MS4A6E: variants seen among roughly 807,000 people sequenced by gnomAD.
MS4A6E encodes the protein membrane-spanning 4-domains subfamily A member 6E.
MS4A6E carries 8 observed loss-of-function variants against 13.2 expected under a neutral mutation model. The observed-to-expected ratio is 0.60, with a 90% CI of 0.35 to 1.09. MS4A6E has a LOEUF of 1.09. Among genes scored for constraint, MS4A6E ranks in the 50% least tolerant of loss-of-function variants. The pLI is 0.02. For synonymous variants in MS4A6E, 72 were observed against 67.6 expected (o/e 1.06, Z -0.32); for missense variants, 177 against 171.1 (o/e 1.03, Z -0.19).
intron 4 of MS4A6E, among the ~76,000 whole-genome samples, chr11:60,346,636 T>C (rs2085257095): frequency 6.6e-6 from 1 of 152,234 alleles, no homozygotes; most frequent in Non-Finnish European, 1.5e-5. Flanking sequence ...TAGTTCTTTG[T>C]AGGCCCTCTA....
At chr11:60,335,102 T>A (rs919780628) in intron 2 of MS4A6E, 60 bp downstream of exon 2, 1 of 1,596,432 alleles carries the variant, frequency 6.3e-7, no homozygotes, top group Non-Finnish European at 8.5e-7. Flanking sequence ...AGATGATGTA[T>A]GTTTTGGGAC....
intron 1 of MS4A6E, among the ~76,000 whole-genome samples, chr11:60,334,482 C>T (rs1054730716): frequency 6.6e-6 from 1 of 152,110 alleles, no homozygotes. Context: ...ATCTAAGATG[C>T]ATGCTAATAG....
At chr11:60,333,685 T>C (rs2085170878) in intron 1 of MS4A6E, among the ~76,000 whole-genome samples, 1 of 152,118 alleles carries the variant, frequency 6.6e-6, no homozygotes, top group South Asian at 2.1e-4. Context: ...TCCAAAGAGT[T>C]AAGGCCTTCT....
At position 60,337,962 on chromosome 11, in the gene MS4A6E, G is replaced by T. The variant is rs778022924; in HGVS notation, c.354+15G>T. ...CCAGTCTGGCTGTAAGTATTTTTTA[G>T]ATGGGATGTTCTAATTTTATGAGGT... On this transcript the variant is annotated intron_variant, in intron 3 of 4. Coordinates refer to ENST00000684409, the MANE Select transcript of MS4A6E (RefSeq NM_139249.4). 5.6e-6 allele frequency: 9 copies of T among 1,607,000 alleles called. No individual in the cohort carries two copies. In the South Asian group the frequency reaches 9.9e-5, roughly 18 times the overall value.
At position 60,339,750 on chromosome 11, in the gene MS4A6E, C is replaced by G. The variant is rs1425422637; in HGVS notation, c.355-116C>G. The G allele has an allele frequency of 7.0e-6, 6 of 860,944 alleles. No homozygotes were observed. The African/African-American group carries it at 8.3e-5, about 12-fold the overall frequency. 53.3% of individuals were successfully genotyped at this position (860,944 alleles called of 1,614,324 possible). A position where few individuals can be genotyped will look rare whatever the true frequency, so the allele number is the denominator to read the frequency against. ...AGCAGTTTTGTTTTCCTGATTGTTT[C>G]CTTACTTCATTCTCTAATGGTTGAG... On this transcript the variant is annotated intron_variant, in intron 3 of 4. Transcript: ENST00000684409.
downstream of MS4A6E, among the ~76,000 whole-genome samples, chr11:60,343,444 C>T (rs1056491381): frequency 6.6e-6 from 1 of 152,166 alleles, no homozygotes; most frequent in Non-Finnish European, 1.5e-5. Flanking sequence ...TTCCATATTG[C>T]AGGTGCCACA....
intron 3 of MS4A6E, among the ~76,000 whole-genome samples, chr11:60,339,369 T>G (rs945941076): frequency 2.0e-5 from 3 of 152,196 alleles, no homozygotes; most frequent in African/African-American, 7.2e-5. Context: ...TACAAAGGGC[T>G]TACACAGCCA....
At chr11:60,335,472 C>T (rs1396877325) in intron 2 of MS4A6E, 9 of 416,566 alleles carry the variant, frequency 2.2e-5, no homozygotes, top group Non-Finnish European at 3.8e-5. Context: ...TTCTTCTTAC[C>T]TTTTTGAGAA....
In MS4A6E at chr11:60,329,846, G is replaced by T. The variant is rs550699453; in HGVS notation, c.-15+2438G>T. Among the ~76,000 whole-genome samples, 6 of 126,818 alleles carry T rather than the reference G, an allele frequency of 4.7e-5. No homozygotes were observed. The South Asian group carries it at 1.3e-3, about 27-fold the overall frequency. 83.2% of individuals were successfully genotyped at this position (126,818 alleles called of 152,430 possible). On this transcript the variant is annotated intron_variant, in intron 1 of 4. Coordinates refer to ENST00000684409, the MANE Select transcript of MS4A6E (RefSeq NM_139249.4). ...CCACTTTTTTTTTTTTTTTTTTTGA[G>T]ATAGAATATCGTTCAGTCACCCAGG...
At chr11:60,340,466 A>T (rs1288788291) in intron 4 of MS4A6E, among the ~76,000 whole-genome samples, 1 of 152,224 alleles carries the variant, frequency 6.6e-6, no homozygotes, top group East Asian at 1.9e-4. Flanking sequence ...CTTTTAAAAG[A>T]TATATTAAAA....
At chr11:60,341,444 A>G (rs78653698), downstream of MS4A6E, among the ~76,000 whole-genome samples, 1,968 of 152,276 alleles carry the variant, frequency 0.013, 43 homozygotes, top group African/African-American at 0.046. Context: ...ACCAATATTC[A>G]AACAAAACTA....
intron 1 of MS4A6E, among the ~76,000 whole-genome samples, chr11:60,331,621 C>T (rs1375302833): frequency 6.6e-6 from 1 of 152,154 alleles, no homozygotes; most frequent in Non-Finnish European, 1.5e-5. Context: ...ACCAACTTTT[C>T]ATTGCATCAC....
intron 3 of MS4A6E, 66 bp downstream of exon 3, chr11:60,338,013 T>G: frequency 6.7e-7 from 1 of 1,489,046 alleles, no homozygotes; most frequent in South Asian, 1.2e-5. Flanking sequence ...TTTCTTATTA[T>G]TCCATCCTTT....
rs771495213 is a variant in MS4A6E, at chr11:60,335,016, C to A, written c.121C>A (p.Leu41Ile). The A allele has an allele frequency of 6.2e-7, 1 of 1,614,154 alleles. No homozygotes were observed. The highest frequency in any genetic ancestry group is 8.5e-7 in the Non-Finnish European group (1 of 1,180,018). ...NQGQDSLKKR[L>I]QAKVKVIGVH... is the part of the protein sequence containing the mutation. ...GGGGCAGGATAGCCTGAAGAAACGT[C>A]TACAGGCAAAAGTCAAAGTTATTGG... Residue 41 changes from leucine to isoleucine, a missense_variant, in exon 2 of 5, where the codon CTA becomes ATA. Transcript: ENST00000684409.
chr11:60,337,757 C>T lies in MS4A6E; in HGVS notation c.164C>T (p.Ala55Val). The change falls in exon 3 of 5, where the codon GCT becomes GTT. Residue 55 changes from alanine to valine, a missense_variant. Coordinates refer to ENST00000684409, the MANE Select transcript of MS4A6E (RefSeq NM_139249.4). ...VKVIGVHSSL[A>V]GSILSALSAL... ...CTCTTTCAGGTGCATAGCAGCCTGG[C>T]TGGAAGCATTCTGAGTGCTCTGTCT... is the stretch of plus-strand genomic sequence containing the variant. The T allele has an allele frequency of 6.2e-7, 1 of 1,614,196 alleles. No homozygotes were observed. The highest frequency in any genetic ancestry group is 8.5e-7 in the Non-Finnish European group (1 of 1,180,040).
At chr11:60,343,321 G>A (rs2085240351), downstream of MS4A6E, among the ~76,000 whole-genome samples, 1 of 152,038 alleles carries the variant, frequency 6.6e-6, no homozygotes, top group Non-Finnish European at 1.5e-5. Flanking sequence ...TTTACTAGAC[G>A]CGTTAATATA....
At chr11:60,338,788 G>A (rs549840632) in intron 3 of MS4A6E, 2 of 152,310 alleles carry the variant, frequency 1.3e-5, no homozygotes, top group South Asian at 4.2e-4. Context: ...TCACCTGGAC[G>A]ATGGACAGAT....
rs2135054867 is a variant in MS4A6E, at chr11:60,330,896, T to C, written c.-15+3488T>C. ...GGAACACTTTCCCGATTGCTTGTCT[T>C]TGTCAGGTTTGTCAAAGATCAGATG... On this transcript the variant is annotated intron_variant, in intron 1 of 4. Coordinates refer to ENST00000684409, the MANE Select transcript of MS4A6E (RefSeq NM_139249.4). Among the ~76,000 whole-genome samples, 3 of 152,322 alleles carry C rather than the reference T, an allele frequency of 2.0e-5. No individual in the cohort carries two copies. In the Middle Eastern group the frequency reaches 0.01, roughly 518 times the overall value.
intron 1 of MS4A6E, among the ~76,000 whole-genome samples, chr11:60,329,169 G>C (rs2085138615): frequency 6.6e-6 from 1 of 150,474 alleles, no homozygotes; most frequent in Non-Finnish European, 1.5e-5. Context: ...ACAGGCCTTG[G>C]TGTGTGATGT....
Sources: gnomAD v4.1 joint callset for allele counts (sites outside exome capture counted in the v4.1 genomes callset) on GRCh38, gnomAD v4.1.1 for gene constraint, MANE v1.5 for transcripts, NCBI Gene and HGNC (gene_info 2026-07-23, HGNC 2026-07-21) for gene names.